Variants in CFAP95 observed in about 807,000 individuals in gnomAD.
CFAP95 encodes cilia- and flagella-associated protein 95.
At chr9:69,865,041 G>A in the CFAP95 span, among the ~76,000 whole-genome samples, 1 of 152,106 alleles carries the variant, frequency 6.6e-6, no homozygotes. Context: ...TCAAGGCAAA[G>A]ACTGGGTGGA....
the CFAP95 span, among the ~76,000 whole-genome samples, chr9:69,853,398 G>A: frequency 1.3e-5 from 2 of 152,108 alleles, no homozygotes; most frequent in Admixed American, 1.3e-4. Flanking sequence ...ATGATATTAT[G>A]AAATGAGCTT....
the CFAP95 span, among the ~76,000 whole-genome samples, chr9:69,863,223 C>T: frequency 9.9e-5 from 15 of 152,098 alleles, no homozygotes; most frequent in Non-Finnish European, 1.9e-4. Flanking sequence ...GAGTGAGAGT[C>T]AAGAAGGCTC....
At chr9:69,862,076 A>G in the CFAP95 span, among the ~76,000 whole-genome samples, 1 of 152,280 alleles carries the variant, frequency 6.6e-6, no homozygotes, top group Middle Eastern at 3.4e-3. Flanking sequence ...GACTATCACA[A>G]TTCTGTCCCC....
chr9:69,856,716 C>A, the CFAP95 span: 9 of 1,392,076 alleles, frequency 6.5e-6, no homozygotes, highest in East Asian at 1.6e-4. Flanking sequence ...TGTGGACATG[C>A]AGAAAGGACT....
chr9:69,825,532 T>C, the CFAP95 span, among the ~76,000 whole-genome samples: 4 of 152,186 alleles, frequency 2.6e-5, no homozygotes, highest in Non-Finnish European at 5.9e-5. Flanking sequence ...TAGAGCCATA[T>C]CACCCTTATC....
At chr9:69,880,398 G>A in the CFAP95 span, among the ~76,000 whole-genome samples, 28 of 152,090 alleles carry the variant, frequency 1.8e-4, no homozygotes, top group Non-Finnish European at 1.5e-5. Context: ...AACACGGTGA[G>A]AACATGTGAT....
the CFAP95 span, among the ~76,000 whole-genome samples, chr9:69,846,679 G>A: frequency 2.7e-4 from 41 of 152,260 alleles, no homozygotes; most frequent in Middle Eastern, 3.4e-3. Flanking sequence ...GGATACTGGC[G>A]CCAAGCCCCC....
chr9:69,864,708 A>T, the CFAP95 span, among the ~76,000 whole-genome samples: 1 of 152,166 alleles, frequency 6.6e-6, no homozygotes, highest in Non-Finnish European at 1.5e-5. Context: ...TGCAGTTTAA[A>T]TTCTTCCCTT....
the CFAP95 span, among the ~76,000 whole-genome samples, chr9:69,842,720 A>G: frequency 3.3e-5 from 5 of 152,346 alleles, no homozygotes; most frequent in African/African-American, 1.2e-4. Flanking sequence ...GTGTTGTCCA[A>G]TATCCCCCCT....
chr9:69,892,563 G>C, the CFAP95 span, among the ~76,000 whole-genome samples: 6 of 152,322 alleles, frequency 3.9e-5, no homozygotes, highest in East Asian at 1.2e-3. Flanking sequence ...CTGGGTAGAA[G>C]AGGGCGATCT....
the CFAP95 span, among the ~76,000 whole-genome samples, chr9:69,893,142 G>A: frequency 6.6e-6 from 1 of 152,146 alleles, no homozygotes; most frequent in African/African-American, 2.4e-5. Flanking sequence ...TGGGGGTCAT[G>A]GGCAACCCCT....
chr9:69,840,093 A>G, the CFAP95 span, among the ~76,000 whole-genome samples: 1 of 150,268 alleles, frequency 6.7e-6, no homozygotes, highest in African/African-American at 2.4e-5. Context: ...AAAAAAAAAG[A>G]TTGATCATTT....
chr9:69,873,923 TATG>T, the CFAP95 span, among the ~76,000 whole-genome samples: 13 of 152,270 alleles, frequency 8.5e-5, no homozygotes, highest in African/African-American at 3.1e-4. Flanking sequence ...CCATGAATTT[TATG>T]ATAACTCCAT....
chr9:69,834,714 G>T, the CFAP95 span, among the ~76,000 whole-genome samples: 1 of 152,168 alleles, frequency 6.6e-6, no homozygotes, highest in African/African-American at 2.4e-5. Context: ...TGGAGAAGAT[G>T]ACTTCACTTA....
chr9:69,894,922 G>A, the CFAP95 span, among the ~76,000 whole-genome samples: 1 of 151,808 alleles, frequency 6.6e-6, no homozygotes, highest in Non-Finnish European at 1.5e-5. Flanking sequence ...GATTAGTTGG[G>A]CCTGGTGGCA....
chr9:69,829,484 C>T, the CFAP95 span, among the ~76,000 whole-genome samples: 1 of 152,162 alleles, frequency 6.6e-6, no homozygotes, highest in South Asian at 2.1e-4. Context: ...AGAGGCATTT[C>T]ACCACACGGG....
At chr9:69,901,460 G>A in the CFAP95 span, among the ~76,000 whole-genome samples, 2 of 152,086 alleles carry the variant, frequency 1.3e-5, no homozygotes, top group African/African-American at 2.4e-5. Context: ...TTGTCCTTGC[G>A]ATAATTTGCT....
the CFAP95 span, among the ~76,000 whole-genome samples, chr9:69,873,188 G>T: frequency 6.6e-6 from 1 of 152,142 alleles, no homozygotes; most frequent in Non-Finnish European, 1.5e-5. Flanking sequence ...TGAACTTGGG[G>T]TTAGTTAGAA....
At chr9:69,857,691 AT>A in the CFAP95 span, among the ~76,000 whole-genome samples, 67 of 151,708 alleles carry the variant, frequency 4.4e-4, no homozygotes, top group East Asian at 3.1e-3. Context: ...CGTCCGGCTA[AT>A]TTTTTTTGTA....
Sources: gnomAD v4.1 joint callset for allele counts (sites outside exome capture counted in the v4.1 genomes callset) on GRCh38, gnomAD v4.1.1 for gene constraint, MANE v1.5 for transcripts, NCBI Gene and HGNC (gene_info 2026-07-23, HGNC 2026-07-21) for gene names.